The following CLEC2D variants were observed in gnomAD, a reference collection of about 807,000 sequenced individuals.
CLEC2D encodes the protein C-type lectin related f.
CLEC2D carries 16 observed loss-of-function variants against 20.0 expected under a neutral mutation model. The observed-to-expected ratio is 0.80, with a 90% CI of 0.54 to 1.22. The LOEUF (loss-of-function observed/expected upper bound fraction) is 1.22, where lower values mean the gene tolerates loss of function less well. Among genes scored for constraint, CLEC2D ranks in the 50% most tolerant of loss-of-function variants. The probability of loss-of-function intolerance (pLI) is 0.00; values close to 1 mark genes in which losing one functional copy is unlikely to be tolerated. For missense variants in CLEC2D, 207 were observed against 221.5 expected (o/e 0.93, Z 0.42); for synonymous variants, 77 against 71.1 (o/e 1.08, Z -0.42).
chr12:9,695,700 A>G lies in CLEC2D; in HGVS notation c.*826A>G, dbSNP rs1195123602. ...TGGACTTAAGGTTGAAGTGTGGTTC[A>G]GGGCCAGTGCATATTAGTGGACAGC... On this transcript the variant is annotated 3_prime_UTR_variant, in exon 5 of 5. Coordinates refer to ENST00000290855, the MANE Select transcript of CLEC2D (RefSeq NM_013269.6). The G allele has an allele frequency of 1.9e-6, 3 of 1,567,724 alleles. No individual in the cohort carries two copies. Among genetic ancestry groups the G allele is most frequent in the Non-Finnish European group, 2.6e-6 (3 of 1,147,742 alleles).
In CLEC2D at chr12:9,694,908, G is replaced by T; in HGVS notation, c.*34G>T. Reference sequence around the variant, plus strand: ...GCAAAGCCCCAACTAATCTTTAGAAGCATATTGGAACTGATAACTCCATTT... The same window carrying T: ...GCAAAGCCCCAACTAATCTTTAGAATCATATTGGAACTGATAACTCCATTT... On this transcript the variant is annotated 3_prime_UTR_variant, in exon 5 of 5. Coordinates refer to ENST00000290855, the MANE Select transcript of CLEC2D (RefSeq NM_013269.6). 1 of 1,137,180 alleles carries T rather than the reference G, an allele frequency of 8.8e-7. No individual in the cohort carries two copies. Among genetic ancestry groups the T allele is most frequent in the Non-Finnish European group, 1.3e-6 (1 of 746,914 alleles). The allele number at this position is 1,137,180 out of a possible 1,614,324, so 70.4% of individuals were successfully genotyped here.
chr12:9,680,181 C>G (rs1251830889), intron 1 of CLEC2D: 2 of 280,174 alleles, frequency 7.1e-6, no homozygotes, highest in East Asian at 2.5e-4. Flanking sequence ...GCTTTTACCC[C>G]TTTGTTAGGC....
chr12:9,692,556 T>C (rs1222557387), intron 3 of CLEC2D, among the ~76,000 whole-genome samples: 1 of 152,166 alleles, frequency 6.6e-6, no homozygotes, highest in African/African-American at 2.4e-5. Flanking sequence ...TGTCAACCGA[T>C]AGTATAATAG....
At chr12:9,675,682 G>C (rs1408384898) in intron 1 of CLEC2D, among the ~76,000 whole-genome samples, 1 of 152,110 alleles carries the variant, frequency 6.6e-6, no homozygotes, top group Non-Finnish European at 1.5e-5. Flanking sequence ...ACAATAACTT[G>C]CTGAGATTAT....
chr12:9,676,441 A>AT (rs558285415), intron 1 of CLEC2D, among the ~76,000 whole-genome samples: 108 of 151,956 alleles, frequency 7.1e-4, no homozygotes, highest in Admixed American at 1.2e-3. Context: ...TAATCAAGTG[A>AT]TTTTTTTTAG....
At chr12:9,676,066 A>G (rs1487476571) in intron 1 of CLEC2D, among the ~76,000 whole-genome samples, 1 of 152,212 alleles carries the variant, frequency 6.6e-6, no homozygotes, top group Non-Finnish European at 1.5e-5. Context: ...TACATAGATG[A>G]TTATGTCATC....
intron 2 of CLEC2D, among the ~76,000 whole-genome samples, chr12:9,687,336 C>T (rs1865771115): frequency 1.3e-5 from 2 of 152,110 alleles, no homozygotes; most frequent in Non-Finnish European, 1.5e-5. Flanking sequence ...AGGGTTTGCC[C>T]TCCTATGAGA....
At chr12:9,692,262 A>G (rs938819404) in intron 3 of CLEC2D, among the ~76,000 whole-genome samples, 2 of 151,998 alleles carry the variant, frequency 1.3e-5, no homozygotes, top group Non-Finnish European at 2.9e-5. Flanking sequence ...CAGCCTCCCA[A>G]ATAGCTGGGA....
chr12:9,687,920 A>G lies in CLEC2D; in HGVS notation c.191A>G (p.His64Arg), dbSNP rs1443686916. 3 of 1,593,878 alleles carry G rather than the reference A, an allele frequency of 1.9e-6. No individual in the cohort carries two copies. Among genetic ancestry groups the G allele is most frequent in the African/African-American group, 2.7e-5 (2 of 73,958 alleles). The stretch of plus-strand genomic sequence containing the variant: ...TTTTCAGCAATAAGAGCTAACTGCC[A>G]TCAAGAGCCATCAGTATGTCTTCAA... Reference protein sequence around the residue: ...AALSAIRANCHQEPSVCLQAA... With the variant: ...AALSAIRANCRQEPSVCLQAA... Residue 64 changes from histidine (H) to arginine (R), a missense_variant, in exon 3 of 5, where the codon CAT becomes CGT. Coordinates refer to ENST00000290855, the MANE Select transcript of CLEC2D (RefSeq NM_013269.6).
intron 4 of CLEC2D, chr12:9,693,314 A>T: frequency 2.1e-6 from 1 of 477,052 alleles, no homozygotes; most frequent in Non-Finnish European, 3.7e-6. Flanking sequence ...ATTATGAGTG[A>T]CAGCAATTAT....
intron 4 of CLEC2D, 80 bp from the exon 5 acceptor site, chr12:9,694,680 T>C (rs1865938592): frequency 1.3e-6 from 1 of 797,342 alleles, no homozygotes; most frequent in African/African-American, 1.7e-5. Context: ...TAATGTTAGT[T>C]TTCTCATTTT....
rs60642344 is a variant in CLEC2D at position 9,697,052 on chromosome 12, TA to T, written c.*2184del. 3 of 105,596 alleles carry T rather than the reference TA, an allele frequency of 2.8e-5. No individual in the cohort carries two copies. Among genetic ancestry groups the T allele is most frequent in the Non-Finnish European group, 4.3e-5 (2 of 46,112 alleles). The allele number at this position is 105,596 out of a possible 1,614,324, so 6.5% of individuals were successfully genotyped here. On this transcript the variant is annotated 3_prime_UTR_variant, in exon 5 of 5. Transcript: ENST00000290855. The stretch of plus-strand genomic sequence containing the variant: ...ACATACATACATATATATATATATA[TA>T]AAAAATAGAATATTATTCAGCCTTG...
chr12:9,671,687 T>G (rs1322190378), intron 1 of CLEC2D, among the ~76,000 whole-genome samples: 1 of 152,190 alleles, frequency 6.6e-6, no homozygotes, highest in African/African-American at 2.4e-5. Context: ...GCTTTTCTGT[T>G]CCTCAGACCA....
intron 2 of CLEC2D, among the ~76,000 whole-genome samples, chr12:9,684,979 G>C (rs915594014): frequency 3.1e-4 from 47 of 152,150 alleles, no homozygotes; most frequent in Non-Finnish European, 1.3e-4. Flanking sequence ...CGTACCTCTG[G>C]TAGAATTCGG....
intron 1 of CLEC2D, among the ~76,000 whole-genome samples, chr12:9,679,631 G>A (rs1459960639): frequency 1.3e-5 from 2 of 152,054 alleles, no homozygotes; most frequent in African/African-American, 4.8e-5. Flanking sequence ...GGGGGTACAG[G>A]GGCATATGTG....
rs188318789 is a variant in CLEC2D at position 9,696,666 on chromosome 12, A to T, written c.*1792A>T. 26 of 173,252 alleles carry T rather than the reference A, an allele frequency of 1.5e-4. No individual in the cohort carries two copies. In the East Asian group the frequency reaches 3.2e-3, roughly 21 times the overall value. 10.7% of individuals were successfully genotyped at this position (173,252 alleles called of 1,614,324 possible). A position where few individuals can be genotyped will look rare whatever the true frequency, so the allele number is the denominator to read the frequency against. ...CAAGGTGAAATTTGGGTGGAGACAC[A>T]ACCAAACCATATCAGATGGCTATAT... is the stretch of plus-strand genomic sequence containing the variant. On this transcript the variant is annotated 3_prime_UTR_variant, in exon 5 of 5. Transcript: ENST00000290855.
chr12:9,688,215 G>C, intron 3 of CLEC2D, 129 bp downstream of exon 3: 1 of 647,876 alleles, frequency 1.5e-6, no homozygotes, highest in Non-Finnish European at 2.0e-6. Flanking sequence ...TTTTTTTTTT[G>C]CATAACGAAA....
chr12:9,675,687 GATT>G (rs1272081588), intron 1 of CLEC2D, among the ~76,000 whole-genome samples: 3 of 152,126 alleles, frequency 2.0e-5, no homozygotes, highest in Non-Finnish European at 2.9e-5. Context: ...AACTTGCTGA[GATT>G]ATTATTATCA....
At chr12:9,670,969 TG>T (rs1865406626) in intron 1 of CLEC2D, among the ~76,000 whole-genome samples, 1 of 152,176 alleles carries the variant, frequency 6.6e-6, no homozygotes, top group East Asian at 1.9e-4. Context: ...ATAATGTTCA[TG>T]GGTCTCTTTC....
Sources: allele counts gnomAD v4.1 joint callset (sites outside exome capture counted in the v4.1 genomes callset), GRCh38; gene constraint gnomAD v4.1.1; transcripts MANE v1.5; gene names NCBI Gene and HGNC (gene_info 2026-07-23, HGNC 2026-07-21).